Variants in DLG2 observed in about 807,000 individuals in gnomAD.
DLG2 encodes discs large MAGUK scaffold protein 2.
In DLG2, 45 loss-of-function variants were observed where a neutral mutation model predicts 132.5. That is an observed-to-expected ratio of 0.34 (90% CI 0.27 to 0.44). DLG2 has a LOEUF of 0.44. DLG2 is among the 20% of genes least tolerant of loss of function. The pLI is 1.00. For synonymous variants in DLG2, 424 were observed against 419.6 expected (o/e 1.01, Z -0.13); for missense variants, 1,045 against 1,196.9 (o/e 0.87, Z 1.87).
intron 17 of DLG2, among the ~76,000 whole-genome samples, chr11:83,813,879 C>G (rs1017458054): frequency 7.2e-5 from 11 of 152,122 alleles, no homozygotes; most frequent in African/African-American, 2.7e-4. Flanking sequence ...CTCCTCATAA[C>G]AGCCCTATAC....
At chr11:84,377,086 C>G (rs2098732291) in intron 7 of DLG2, among the ~76,000 whole-genome samples, 1 of 152,024 alleles carries the variant, frequency 6.6e-6, no homozygotes, top group Non-Finnish European at 1.5e-5. Flanking sequence ...ACCAGATATA[C>G]ATATTTTCTG....
intron 11 of DLG2, among the ~76,000 whole-genome samples, chr11:83,985,981 G>C (rs577761828): frequency 6.6e-6 from 1 of 151,786 alleles, no homozygotes; most frequent in African/African-American, 2.4e-5. Context: ...CAGTGTAAAA[G>C]CATTCCTTTT....
intron 3 of DLG2, among the ~76,000 whole-genome samples, chr11:85,333,420 T>G (rs1245895973): frequency 6.6e-6 from 1 of 152,130 alleles, no homozygotes; most frequent in African/African-American, 2.4e-5. Context: ...TGAATGTCTT[T>G]TATTTATTTT....
chr11:83,861,075 C>T lies in DLG2; in HGVS notation c.1565+13345G>A, dbSNP rs1595575070. Among the ~76,000 whole-genome samples the T allele has an allele frequency of 2.0e-5, 3 of 152,086 alleles. No individual in the cohort carries two copies. The South Asian group carries it at 6.2e-4, about 32-fold the overall frequency. ...GTGTGAAAATGGACTAATAAAAATT[C>T]ACTAATATATGCCATGAATTAACAA... On this transcript the variant is annotated intron_variant, in intron 16 of 27. Transcript: ENST00000376104.
At chr11:84,832,613 C>G (rs1469204704) in intron 6 of DLG2, among the ~76,000 whole-genome samples, 1 of 151,488 alleles carries the variant, frequency 6.6e-6, no homozygotes, top group African/African-American at 2.4e-5. Flanking sequence ...AATTCTTAGG[C>G]CTGAAAAGCA....
At chr11:84,439,982 T>C (rs1347134984) in intron 7 of DLG2, among the ~76,000 whole-genome samples, 1 of 152,208 alleles carries the variant, frequency 6.6e-6, no homozygotes, top group East Asian at 1.9e-4. Flanking sequence ...TTTTATATCT[T>C]TCTATAATTT....
chr11:84,580,867 C>T (rs1239363200), intron 6 of DLG2, among the ~76,000 whole-genome samples: 1 of 152,170 alleles, frequency 6.6e-6, no homozygotes, highest in African/African-American at 2.4e-5. Context: ...CTGGAAAATA[C>T]ACACGATAAA....
chr11:85,610,974 G>T (rs1413191699), intron 2 of DLG2, among the ~76,000 whole-genome samples: 1 of 152,208 alleles, frequency 6.6e-6, no homozygotes, highest in African/African-American at 2.4e-5. Context: ...TCATCTAGTA[G>T]AATGAGAACC....
At chr11:85,192,468 G>A (rs559197643) in intron 4 of DLG2, among the ~76,000 whole-genome samples, 3 of 152,106 alleles carry the variant, frequency 2.0e-5, no homozygotes, top group Admixed American at 6.5e-5. Context: ...AACCATAGGG[G>A]GAGTGCCTGA....
chr11:83,636,042 A>C (rs1418514957), intron 18 of DLG2, among the ~76,000 whole-genome samples: 1 of 152,104 alleles, frequency 6.6e-6, no homozygotes, highest in Non-Finnish European at 1.5e-5. Context: ...TGTCATCTCT[A>C]AGTACCACTA....
At chr11:83,851,715 T>C (rs1347461090) in intron 16 of DLG2, among the ~76,000 whole-genome samples, 1 of 143,062 alleles carries the variant, frequency 7.0e-6, no homozygotes, top group African/African-American at 2.6e-5. Flanking sequence ...AGGTCGGGAG[T>C]TCAAGACCAG....
intron 7 of DLG2, among the ~76,000 whole-genome samples, chr11:84,312,339 C>G (rs890993273): frequency 3.3e-5 from 5 of 152,022 alleles, no homozygotes; most frequent in Non-Finnish European, 7.4e-5. Flanking sequence ...AGTAGCCAGG[C>G]CTGGTGGCGC....
At chr11:84,235,943 T>C (rs1422790484) in intron 8 of DLG2, among the ~76,000 whole-genome samples, 1 of 152,060 alleles carries the variant, frequency 6.6e-6, no homozygotes, top group African/African-American at 2.4e-5. Flanking sequence ...ATTTTAATAG[T>C]GCCTAGAGTA....
intron 4 of DLG2, among the ~76,000 whole-genome samples, chr11:85,204,081 T>C (rs2081668901): frequency 6.6e-6 from 1 of 152,078 alleles, no homozygotes; most frequent in Non-Finnish European, 1.5e-5. Context: ...GCTAACAACA[T>C]ACTGAATGGG....
At position 83,718,161 on chromosome 11, in the gene DLG2, G is replaced by A. The variant is rs530285890; in HGVS notation, c.1825+68529C>T. On this transcript the variant is annotated intron_variant, in intron 18 of 27. Transcript: ENST00000376104. ...AATTCTATAGGTGCACAGAGGAAAG[G>A]GAGCACCTCTCTGCTGTGGGCAATT... is the stretch of plus-strand genomic sequence containing the variant. Among the ~76,000 whole-genome samples, 4 of 152,256 alleles carry A rather than the reference G, an allele frequency of 2.6e-5. No homozygotes were observed. In the South Asian group the frequency reaches 8.3e-4, roughly 32 times the overall value.
At chr11:83,497,933 CT>C (rs1591873097) in intron 21 of DLG2, among the ~76,000 whole-genome samples, 1 of 151,390 alleles carries the variant, frequency 6.6e-6, no homozygotes, top group African/African-American at 2.4e-5. Context: ...ACAACAACAA[CT>C]TTTTTCCATT....
intron 18 of DLG2, among the ~76,000 whole-genome samples, chr11:83,712,914 G>A (rs190016251): frequency 1.1e-3 from 168 of 151,490 alleles, no homozygotes; most frequent in African/African-American, 4.0e-3. Flanking sequence ...CGTGGCACAA[G>A]TTTACCTATG....
chr11:84,528,093 CTT>C (rs935779295), intron 7 of DLG2, among the ~76,000 whole-genome samples: 10 of 152,136 alleles, frequency 6.6e-5, no homozygotes, highest in Non-Finnish European at 1.5e-5. Flanking sequence ...TTTCACTGCT[CTT>C]TGTTTCCCCA....
At chr11:84,342,040 C>T (rs1319904819) in intron 7 of DLG2, among the ~76,000 whole-genome samples, 1 of 152,090 alleles carries the variant, frequency 6.6e-6, no homozygotes, top group Non-Finnish European at 1.5e-5. Flanking sequence ...ATACAATGTC[C>T]TAACCTGGAC....
Sources: gnomAD v4.1 joint callset for allele counts (sites outside exome capture counted in the v4.1 genomes callset) on GRCh38, gnomAD v4.1.1 for gene constraint, MANE v1.5 for transcripts, NCBI Gene and HGNC (gene_info 2026-07-23, HGNC 2026-07-21) for gene names.